Variants in RB1CC1 observed in about 807,000 individuals in gnomAD.
The protein encoded by RB1CC1 is RB1-inducible coiled-coil protein 1.
A neutral mutation model predicts 177.5 loss-of-function variants in RB1CC1; 46 were observed. That is an observed-to-expected ratio of 0.26 (90% CI 0.20 to 0.33). The LOEUF (loss-of-function observed/expected upper bound fraction) is 0.33, where lower values mean the gene tolerates loss of function less well. RB1CC1 is among the 10% of genes least tolerant of loss of function. RB1CC1 has a pLI of 1.00. For synonymous variants in RB1CC1, 666 were observed against 613.6 expected, an observed-to-expected ratio of 1.09 and a Z score of -1.26; for missense variants, 1,703 against 1,816.3, an observed-to-expected ratio of 0.94 and a Z score of 1.13.
intron 8 of RB1CC1, 101 bp from the exon 9 acceptor site, chr8:52,661,820 T>C: frequency 1.2e-6 from 1 of 841,182 alleles, no homozygotes; most frequent in Non-Finnish European, 1.7e-6. Flanking sequence ...CAACCCGTTT[T>C]GTGCCTTCTA....
At chr8:52,682,843 T>C (rs1204700918) in intron 5 of RB1CC1, among the ~76,000 whole-genome samples, 1 of 152,188 alleles carries the variant, frequency 6.6e-6, no homozygotes, top group Non-Finnish European at 1.5e-5. Flanking sequence ...TATTTCCTTT[T>C]AATGTTGTAT....
Position 52,623,666 on chromosome 8 carries a change from T to A in RB1CC1, c.*116A>T, listed in dbSNP as rs768264130. 2 of 733,418 alleles carry A rather than the reference T, an allele frequency of 2.7e-6. No individual in the cohort carries two copies. Among genetic ancestry groups the A allele is most frequent in the Non-Finnish European group, 4.9e-6 (2 of 404,450 alleles). The allele number at this position is 733,418 out of a possible 1,614,324, so 45.4% of individuals were successfully genotyped here. On this transcript the variant is annotated 3_prime_UTR_variant, in exon 24 of 24. Transcript: ENST00000025008. Reference sequence around the variant, plus strand: ...GTAAACGATGTACACCAGTGAAGTATATTGTCACGCTGACTTTTGCATAAA... The same window carrying A: ...GTAAACGATGTACACCAGTGAAGTAAATTGTCACGCTGACTTTTGCATAAA...
At chr8:52,652,822 C>G (rs1850731222) in intron 15 of RB1CC1, among the ~76,000 whole-genome samples, 1 of 152,176 alleles carries the variant, frequency 6.6e-6, no homozygotes, top group Non-Finnish European at 1.5e-5. Flanking sequence ...CTTTGGGAGG[C>G]TGAGGCAGGT....
At chr8:52,711,749 A>G (rs75388800) in intron 1 of RB1CC1, among the ~76,000 whole-genome samples, 6,277 of 152,288 alleles carry the variant, frequency 0.041, 452 homozygotes, top group African/African-American at 0.14. Flanking sequence ...TCCAAACCTG[A>G]ATATGTAGAG....
At chr8:52,659,699 G>A (rs1435176669) in intron 12 of RB1CC1, among the ~76,000 whole-genome samples, 2 of 152,172 alleles carry the variant, frequency 1.3e-5, no homozygotes, top group Non-Finnish European at 2.9e-5. Flanking sequence ...ATAGAAACAT[G>A]TTTAACAGCT....
intron 1 of RB1CC1, among the ~76,000 whole-genome samples, chr8:52,692,803 A>C (rs76365703): frequency 2.0e-5 from 3 of 152,032 alleles, no homozygotes; most frequent in African/African-American, 7.2e-5. Context: ...AATACAATAC[A>C]AAAAAAACCT....
intron 12 of RB1CC1, among the ~76,000 whole-genome samples, chr8:52,659,419 A>G (rs1053914017): frequency 2.6e-5 from 4 of 152,078 alleles, no homozygotes; most frequent in Admixed American, 6.6e-5. Context: ...TGACTTTTCC[A>G]TTACATTTTC....
In RB1CC1 at chr8:52,630,573, C is replaced by T. The variant is rs745913246; in HGVS notation, c.4441-45G>A. On this transcript the variant is annotated intron_variant, in intron 20 of 23. Transcript: ENST00000025008. Reference sequence around the variant, plus strand: ...TTATGAACTTACACAATTTGAGTACCACATGCATTCTTACTGCAAAAATTT... The same window carrying T: ...TTATGAACTTACACAATTTGAGTACTACATGCATTCTTACTGCAAAAATTT... 1.3e-5 allele frequency: 20 copies of T among 1,516,260 alleles called. No homozygotes were observed. The South Asian group carries it at 2.6e-4, about 20-fold the overall frequency. 93.9% of individuals were successfully genotyped at this position (1,516,260 alleles called of 1,614,324 possible). A position where few individuals can be genotyped will look rare whatever the true frequency, so the allele number is the denominator to read the frequency against.
chr8:52,683,645 G>C lies in RB1CC1; in HGVS notation c.273C>G (p.Thr91=). 1 of 1,612,164 alleles carries C rather than the reference G, an allele frequency of 6.2e-7. No homozygotes were observed. The highest frequency in any genetic ancestry group is 8.5e-7 in the Non-Finnish European group (1 of 1,179,086). Residue 91 remains threonine (T), a synonymous_variant, in exon 5 of 24, where the codon ACC becomes ACG. Coordinates refer to ENST00000025008, the MANE Select transcript of RB1CC1 (RefSeq NM_014781.5). The stretch of plus-strand genomic sequence containing the variant: ...TTTCCATGTCATTTTCTGTCGAAAA[G>C]GTAGTTTTAGGAATAGCAGGTGGAC... ...CDRPPAIPKT[T]FSTENDMEIK...
chr8:52,634,987 G>T lies in RB1CC1; in HGVS notation c.4393-19C>A. On this transcript the variant is annotated intron_variant, in intron 19 of 23. Transcript: ENST00000025008. The stretch of plus-strand genomic sequence containing the variant: ...GCAATGTCTGCAGGTGGAAAAAAGA[G>T]ACCTGTGGTTTATCCTTGTACCTAC... The T allele has an allele frequency of 6.3e-7, 1 of 1,599,568 alleles. No individual in the cohort carries two copies. The highest frequency in any genetic ancestry group is 1.1e-5 in the South Asian group (1 of 89,376).
intron 5 of RB1CC1, among the ~76,000 whole-genome samples, chr8:52,680,498 G>A (rs775632476): frequency 1.1e-4 from 16 of 152,108 alleles, no homozygotes; most frequent in East Asian, 1.9e-4. Flanking sequence ...TGGACATTTC[G>A]GTACAGAAGA....
Position 52,645,770 on chromosome 8 carries a change from C to T in RB1CC1, c.3919G>A (p.Glu1307Lys), listed in dbSNP as rs754380090. Residue 1307 changes from glutamate (E) to lysine (K), a missense_variant, in exon 16 of 24, where the codon GAA (glutamate) becomes AAA (lysine). Coordinates refer to ENST00000025008, the MANE Select transcript of RB1CC1 (RefSeq NM_014781.5). ...TCATTCTTTCTTTTTTCTTGCTCTT[C>T]AAGTTGTTCTAGAAACTTAGCTTTT... is the stretch of plus-strand genomic sequence containing the variant. ...EEKAKFLEQL[E>K]EQEKRKNEEM... is the part of the protein sequence containing the mutation. The T allele has an allele frequency of 4.4e-5, 71 of 1,610,460 alleles. No individual in the cohort carries two copies. Among genetic ancestry groups the T allele is most frequent in the Non-Finnish European group, 5.7e-5 (67 of 1,179,016 alleles).
At chr8:52,666,380 TG>T (rs1852068557) in intron 8 of RB1CC1, among the ~76,000 whole-genome samples, 2 of 151,836 alleles carry the variant, frequency 1.3e-5, no homozygotes, top group Admixed American at 1.3e-4. Context: ...TAACCAGGCG[TG>T]GTGGTGCATG....
chr8:52,710,381 T>C (rs1296187727), intron 1 of RB1CC1, among the ~76,000 whole-genome samples: 1 of 151,996 alleles, frequency 6.6e-6, no homozygotes, highest in Non-Finnish European at 1.5e-5. Context: ...GCAAATGAGG[T>C]AAAAATAGCA....
chr8:52,680,988 G>GTA (rs1298337776), intron 5 of RB1CC1, among the ~76,000 whole-genome samples: 2 of 122,532 alleles, frequency 1.6e-5, no homozygotes, highest in Non-Finnish European at 3.3e-5. Context: ...GTGTGTGTGT[G>GTA]TGTGTGTTTT....
intron 1 of RB1CC1, among the ~76,000 whole-genome samples, chr8:52,700,627 T>G (rs564968126): frequency 3.9e-5 from 6 of 152,344 alleles, no homozygotes; most frequent in Admixed American, 3.3e-4. Flanking sequence ...ATATCTTATT[T>G]GCAGCCAATC....
chr8:52,645,296 G>A (rs1849920282), intron 16 of RB1CC1, among the ~76,000 whole-genome samples: 1 of 152,132 alleles, frequency 6.6e-6, no homozygotes, highest in Non-Finnish European at 1.5e-5. Flanking sequence ...TTGAAGCTTA[G>A]AGAAAAAATA....
chr8:52,629,925 C>A (rs188093565), intron 21 of RB1CC1, among the ~76,000 whole-genome samples: 1 of 152,128 alleles, frequency 6.6e-6, no homozygotes, highest in African/African-American at 2.4e-5. Flanking sequence ...TCCCCCTCAC[C>A]GTCATCCAAT....
chr8:52,633,192 T>C (rs1848885118), intron 20 of RB1CC1, among the ~76,000 whole-genome samples: 1 of 152,160 alleles, frequency 6.6e-6, no homozygotes, highest in East Asian at 1.9e-4. Flanking sequence ...CGTCAGGACC[T>C]CCCGAGGCTG....
Sources: gnomAD v4.1 joint callset for allele counts (sites outside exome capture counted in the v4.1 genomes callset) on GRCh38, gnomAD v4.1.1 for gene constraint, MANE v1.5 for transcripts, NCBI Gene and HGNC (gene_info 2026-07-23, HGNC 2026-07-21) for gene names.